The following GRM7 variants were observed in gnomAD, a reference collection of about 807,000 sequenced individuals.
The protein encoded by GRM7 is glutamate metabotropic receptor 7, also known as metabotropic glutamate receptor 7.
GRM7 carries 35 observed loss-of-function variants against 84.5 expected under a neutral mutation model. That is an observed-to-expected ratio of 0.41 (90% CI 0.32 to 0.55). GRM7 has a LOEUF of 0.55. GRM7 is among the 20% of genes least tolerant of loss of function. The probability of loss-of-function intolerance (pLI) is 0.19; values close to 1 mark genes in which losing one functional copy is unlikely to be tolerated. For synonymous variants in GRM7, 487 were observed against 455.1 expected, an observed-to-expected ratio of 1.07 and a Z score of -0.89; for missense variants, 1,003 against 1,194.6, an observed-to-expected ratio of 0.84 and a Z score of 2.36.
intron 2 of GRM7, among the ~76,000 whole-genome samples, chr3:7,221,343 C>T (rs1454092750): frequency 1.3e-5 from 2 of 152,074 alleles, no homozygotes; most frequent in African/African-American, 4.8e-5. Context: ...AGCAGCTGTT[C>T]AGATATTTTT....
intron 2 of GRM7, among the ~76,000 whole-genome samples, chr3:7,147,552 A>G (rs1294490678): frequency 1.3e-5 from 2 of 152,200 alleles, no homozygotes; most frequent in African/African-American, 2.4e-5. Flanking sequence ...CAATAGAAAG[A>G]GAGCTCCATG....
chr3:7,724,044 G>A (rs1009419340), intron 9 of GRM7, among the ~76,000 whole-genome samples: 2 of 152,090 alleles, frequency 1.3e-5, no homozygotes, highest in Admixed American at 1.3e-4. Context: ...CAGAAAGCAC[G>A]TCCACAGAGA....
chr3:6,963,772 A>G (rs1396903867), intron 1 of GRM7, among the ~76,000 whole-genome samples: 2 of 152,218 alleles, frequency 1.3e-5, no homozygotes, highest in Admixed American at 6.5e-5. Context: ...TGTGACTTAC[A>G]TGAATGGCAT....
In GRM7 at chr3:7,146,535, C is replaced by A. The variant is rs145727552; in HGVS notation, c.603C>A (p.Pro201=). Residue 201 remains proline (P), a synonymous_variant, in exon 2 of 10, where the codon CCC becomes CCA. Coordinates refer to ENST00000357716, the MANE Select transcript of GRM7 (RefSeq NM_000844.4). ...ACTTCTTCTCTCGCGTGGTGCCACC[C>A]GATTCCTTCCAAGCCCAGGCCATGG... ...RYDFFSRVVP[P]DSFQAQAMVD... The A allele has an allele frequency of 6.2e-7, 1 of 1,613,964 alleles. No homozygotes were observed.
intron 2 of GRM7, among the ~76,000 whole-genome samples, chr3:7,260,879 A>T (rs921036642): frequency 2.0e-5 from 3 of 152,196 alleles, no homozygotes; most frequent in Non-Finnish European, 2.9e-5. Context: ...CCCTGTTAAT[A>T]CTACCTTAGC....
At chr3:7,054,719 ATC>A (rs1017259953) in intron 1 of GRM7, among the ~76,000 whole-genome samples, 2 of 151,074 alleles carry the variant, frequency 1.3e-5, no homozygotes, top group Admixed American at 6.6e-5. Flanking sequence ...GTTTTCTCTC[ATC>A]TCTCTCTCTC....
chr3:6,915,755 A>G (rs1162361867), intron 1 of GRM7, among the ~76,000 whole-genome samples: 1 of 152,246 alleles, frequency 6.6e-6, no homozygotes, highest in Non-Finnish European at 1.5e-5. Flanking sequence ...AACAGAATTC[A>G]GTATCACAAC....
chr3:7,045,048 A>G (rs1037858143), intron 1 of GRM7, among the ~76,000 whole-genome samples: 2 of 152,156 alleles, frequency 1.3e-5, no homozygotes. Context: ...CTTTTAGTGT[A>G]GAAGATTCTG....
chr3:7,042,010 G>C (rs1386584722), intron 1 of GRM7, among the ~76,000 whole-genome samples: 1 of 152,196 alleles, frequency 6.6e-6, no homozygotes, highest in Non-Finnish European at 1.5e-5. Context: ...GGAGTCTCCT[G>C]AAGGGTGGTA....
rs78394017 is a variant in GRM7, at chr3:7,730,988, A to T, written c.2699-9369A>T. On this transcript the variant is annotated intron_variant, in intron 9 of 9. Transcript: ENST00000357716. ...CAAGCTTAAAGATGTTTTAAGACAG[A>T]GACTTTGTCTGTTTGTTTCAAATAT... is the stretch of plus-strand genomic sequence containing the variant. 8.6e-3 allele frequency among the ~76,000 whole-genome samples: 1,312 copies of T among 152,318 alleles called. 23 individuals carry two copies. Among genetic ancestry groups the T allele is most frequent in the East Asian group, 0.067 (345 of 5,182 alleles).
chr3:7,111,318 G>A (rs908224592), intron 1 of GRM7, among the ~76,000 whole-genome samples: 3 of 152,116 alleles, frequency 2.0e-5, no homozygotes, highest in Non-Finnish European at 4.4e-5. Flanking sequence ...ATTGAAAGTA[G>A]GCATGGCTAG....
At chr3:7,134,565 A>T (rs17824908) in intron 1 of GRM7, among the ~76,000 whole-genome samples, 2 of 151,952 alleles carry the variant, frequency 1.3e-5, no homozygotes, top group African/African-American at 4.8e-5. Context: ...CCTTGTTCAT[A>T]TTGGTCTGGA....
At chr3:7,593,275 G>T (rs1695878748) in intron 8 of GRM7, among the ~76,000 whole-genome samples, 1 of 152,082 alleles carries the variant, frequency 6.6e-6, no homozygotes, top group African/African-American at 2.4e-5. Flanking sequence ...TGATTTTGTG[G>T]TTATATCCAG....
chr3:7,631,186 C>G (rs1336736666), intron 8 of GRM7, among the ~76,000 whole-genome samples: 1 of 152,222 alleles, frequency 6.6e-6, no homozygotes, highest in Non-Finnish European at 1.5e-5. Context: ...AGTGGGCAGT[C>G]AGCCAGCTGG....
intron 8 of GRM7, chr3:7,607,787 T>C (rs980693004): frequency 7.0e-6 from 1 of 142,026 alleles, no homozygotes; most frequent in African/African-American, 2.6e-5. Flanking sequence ...TGTACATACA[T>C]AAACAAGTGT....
At chr3:7,395,890 A>G (rs1214956319) in intron 4 of GRM7, among the ~76,000 whole-genome samples, 1 of 152,136 alleles carries the variant, frequency 6.6e-6, no homozygotes, top group East Asian at 1.9e-4. Context: ...TCAGTTTCAA[A>G]TATCTAGGAG....
chr3:6,993,228 T>C (rs1351058888), intron 1 of GRM7, among the ~76,000 whole-genome samples: 1 of 152,182 alleles, frequency 6.6e-6, no homozygotes, highest in Non-Finnish European at 1.5e-5. Context: ...GCCCTCATGA[T>C]TCAATTACCT....
intron 7 of GRM7, among the ~76,000 whole-genome samples, chr3:7,545,018 C>CT (rs1693078137): frequency 6.6e-6 from 1 of 152,170 alleles, no homozygotes; most frequent in Admixed American, 6.5e-5. Flanking sequence ...GAACAGTATC[C>CT]TTAGCACATG....
At chr3:7,335,675 A>G (rs1701389905) in intron 4 of GRM7, among the ~76,000 whole-genome samples, 1 of 152,042 alleles carries the variant, frequency 6.6e-6, no homozygotes, top group South Asian at 2.1e-4. Context: ...TAACCACAAA[A>G]AGAAGAGAGA....
Sources: gnomAD v4.1 joint callset for allele counts (sites outside exome capture counted in the v4.1 genomes callset) on GRCh38, gnomAD v4.1.1 for gene constraint, MANE v1.5 for transcripts, NCBI Gene and HGNC (gene_info 2026-07-23, HGNC 2026-07-21) for gene names.